FAM234A: variants seen among roughly 807,000 people sequenced by gnomAD.
FAM234A encodes the protein protein FAM234A.
In FAM234A, 42 loss-of-function variants were observed where a neutral mutation model predicts 49.1. The observed-to-expected ratio is 0.86, with a 90% CI of 0.67 to 1.11. The LOEUF (loss-of-function observed/expected upper bound fraction) is 1.11. Ranked by LOEUF, FAM234A falls within the 50% of genes least tolerant of loss-of-function variation. The pLI, the probability that FAM234A is intolerant of heterozygous loss-of-function variation, is 0.00. For synonymous variants in FAM234A, 369 were observed against 316.2 expected, an observed-to-expected ratio of 1.17 and a Z score of -1.77; for missense variants, 815 against 745.2, an observed-to-expected ratio of 1.09 and a Z score of -1.09.
At chr16:246,137 C>A (rs1234139112) in intron 1 of FAM234A, among the ~76,000 whole-genome samples, 1 of 151,156 alleles carries the variant, frequency 6.6e-6, no homozygotes, top group African/African-American at 2.4e-5. Context: ...ATCGCTTGAA[C>A]CCAGGAGGCA....
intron 2 of FAM234A, 188 bp from the exon 3 acceptor site, chr16:254,193 A>G (rs2051134560): frequency 1.7e-6 from 1 of 596,936 alleles, no homozygotes; most frequent in African/African-American, 1.9e-5. Context: ...CTAATTAGAG[A>G]CCTTCTTAAG....
At chr16:244,216 C>T (rs1332509165) in intron 1 of FAM234A, among the ~76,000 whole-genome samples, 5 of 152,140 alleles carry the variant, frequency 3.3e-5, no homozygotes, top group East Asian at 1.9e-4. Flanking sequence ...GATCCACCCG[C>T]CTTGGCCTCC....
intron 4 of FAM234A, 106 bp from the exon 5 acceptor site, chr16:259,863 C>G: frequency 1.9e-6 from 2 of 1,037,314 alleles, no homozygotes; most frequent in Non-Finnish European, 2.9e-6. Context: ...GGGCTGTGGC[C>G]TAGGAGAGGT....
chr16:267,397 C>T (rs12600243), downstream of FAM234A, among the ~76,000 whole-genome samples: 1 of 152,086 alleles, frequency 6.6e-6, no homozygotes, highest in Non-Finnish European at 1.5e-5. Context: ...CTCCACACAC[C>T]TGGGACCTGC....
intron 1 of FAM234A, 25 bp from the exon 2 acceptor site, chr16:249,524 T>G (rs2050923733): frequency 6.6e-6 from 1 of 151,960 alleles, no homozygotes; most frequent in Non-Finnish European, 1.5e-5. Flanking sequence ...GAGCTGCACT[T>G]GACAAGTGGC....
downstream of FAM234A, among the ~76,000 whole-genome samples, chr16:266,389 G>A (rs531945384): frequency 1.4e-4 from 22 of 152,364 alleles, no homozygotes; most frequent in South Asian, 4.3e-3. Context: ...GGAACAGACG[G>A]TGGCCTCGGC....
rs989211110 is a variant in FAM234A, at chr16:245,208, G to A, written c.-139-4341G>A. Among the ~76,000 whole-genome samples the A allele has an allele frequency of 7.2e-5, 11 of 152,074 alleles. 1 individual carries two copies. The highest frequency in any genetic ancestry group is 6.8e-3 in the Middle Eastern group (2 of 294). ...CAAAAAATACAAAAATTTGCCCGGC[G>A]CGGTGATGCACACCTGTGGTCCCAG... is the stretch of plus-strand genomic sequence containing the variant. On this transcript the variant is annotated intron_variant, in intron 1 of 12. Transcript: ENST00000399932.
chr16:264,272 C>T (rs2051605099), intron 11 of FAM234A, 101 bp downstream of exon 11: 2 of 1,237,854 alleles, frequency 1.6e-6, no homozygotes, highest in Admixed American at 5.1e-5. Context: ...GGTGCCTGGG[C>T]AACCTCACAT....
chr16:269,342 C>G, downstream of FAM234A: 3 of 1,603,450 alleles, frequency 1.9e-6, no homozygotes, highest in Non-Finnish European at 2.6e-6. Context: ...GAGTGCAGGG[C>G]TGGGGCTCGA....
At chr16:247,525 C>G (rs9934353) in intron 1 of FAM234A, among the ~76,000 whole-genome samples, 5,470 of 151,774 alleles carry the variant, frequency 0.036, 414 homozygotes, top group African/African-American at 0.13. Flanking sequence ...CTCTGCCTCC[C>G]AGGTTCAAAC....
Position 254,589 on chromosome 16 carries a change from G to T in FAM234A, c.176G>T (p.Cys59Phe). The T allele has an allele frequency of 6.2e-7, 1 of 1,613,858 alleles. No homozygotes were observed. Among genetic ancestry groups the T allele is most frequent in the African/African-American group, 1.3e-5 (1 of 75,026 alleles). The change falls in exon 3 of 13, where the codon TGC (cysteine) becomes TTC (phenylalanine). Residue 59 changes from cysteine (C) to phenylalanine (F), a missense_variant. Physicochemically the swap from Cys to Phe is radical, Grantham distance 205. Transcript: ENST00000399932. ...AAAFFLSLFLCLFVVFVVSFV... is the reference protein window; with the variant it reads ...AAAFFLSLFLFLFVVFVVSFV... Reference sequence around the variant, plus strand: ...GCGTTTTTTCTTTCATTGTTTCTCTGCCTTTTTGTGGTGTTCGTCGTCTCA... The same window carrying T: ...GCGTTTTTTCTTTCATTGTTTCTCTTCCTTTTTGTGGTGTTCGTCGTCTCA...
intron 6 of FAM234A, 114 bp from the exon 7 acceptor site, chr16:261,977 TCC>T: frequency 3.5e-6 from 3 of 866,372 alleles, no homozygotes; most frequent in Non-Finnish European, 4.5e-6. Context: ...GTCCCTCTCT[TCC>T]TGGGCCTTGT....
rs561772756 is a variant in FAM234A, at chr16:264,253, A to G, written c.1344+82A>G. 5 of 1,386,500 alleles carry G rather than the reference A, an allele frequency of 3.6e-6. No individual in the cohort carries two copies. In the Admixed American group the frequency reaches 7.3e-5, roughly 20 times the overall value. The allele number at this position is 1,386,500 out of a possible 1,614,324, so 85.9% of individuals were successfully genotyped here. A position where few individuals can be genotyped will look rare whatever the true frequency, so the allele number is the denominator to read the frequency against. ...TGGAGCTCCACCGTGGAGTGCCCAG[A>G]AGCTCATCGGTGCCTGGGCAACCTC... is the stretch of plus-strand genomic sequence containing the variant. On this transcript the variant is annotated intron_variant, in intron 11 of 12. Coordinates refer to ENST00000399932, the MANE Select transcript of FAM234A (RefSeq NM_032039.4).
At chr16:252,970 G>A (rs138048404) in intron 2 of FAM234A, among the ~76,000 whole-genome samples, 18 of 152,202 alleles carry the variant, frequency 1.2e-4, no homozygotes, top group Admixed American at 3.3e-4. Flanking sequence ...GCATGATCAC[G>A]TCCAGTCTCT....
chr16:267,742 G>A (rs1394332048), downstream of FAM234A, among the ~76,000 whole-genome samples: 8 of 143,966 alleles, frequency 5.6e-5, no homozygotes. Context: ...GTGCCTCAGT[G>A]CTACACATGC....
In FAM234A at chr16:265,190, A is replaced by C; in HGVS notation, c.*168A>C. On this transcript the variant is annotated 3_prime_UTR_variant, in exon 13 of 13. Coordinates refer to ENST00000399932, the MANE Select transcript of FAM234A (RefSeq NM_032039.4). Reference sequence around the variant, plus strand: ...CAGTCCTCCATGATCACACCCAGGGACCTGCATGGGTGAGGGGACACCCTG... The same window carrying C: ...CAGTCCTCCATGATCACACCCAGGGCCCTGCATGGGTGAGGGGACACCCTG... 2 of 1,418,626 alleles carry C rather than the reference A, an allele frequency of 1.4e-6. No homozygotes were observed. The highest frequency in any genetic ancestry group is 1.8e-6 in the Non-Finnish European group (2 of 1,090,172). The allele number at this position is 1,418,626 out of a possible 1,614,324, so 87.9% of individuals were successfully genotyped here.
At chr16:241,893 G>A (rs1240745219) in intron 1 of FAM234A, among the ~76,000 whole-genome samples, 1 of 141,030 alleles carries the variant, frequency 7.1e-6, no homozygotes, top group African/African-American at 2.7e-5. Flanking sequence ...GCGACAGAGC[G>A]AGACAACGTC....
rs538445378 is a variant in FAM234A at position 255,229 on chromosome 16, ATCC to A, written c.268+555_268+557del. On this transcript the variant is annotated intron_variant, in intron 3 of 12. Coordinates refer to ENST00000399932, the MANE Select transcript of FAM234A (RefSeq NM_032039.4). ...GCTCTTGAACTCCTGATTTTAAGTC[ATCC>A]TCCTCCCTCGGCCTCCCAACGTGCT... Among the ~76,000 whole-genome samples the A allele has an allele frequency of 6.5e-4, 99 of 152,160 alleles. 1 individual carries two copies. Among genetic ancestry groups the A allele is most frequent in the Non-Finnish European group, 1.1e-3 (77 of 68,026 alleles).
intron 5 of FAM234A, among the ~76,000 whole-genome samples, chr16:261,002 C>T (rs539978551): frequency 4.6e-5 from 7 of 152,124 alleles, no homozygotes; most frequent in African/African-American, 1.2e-4. Flanking sequence ...GCAGGGGCTT[C>T]GAGAGGTGGG....
Sources: gnomAD v4.1 joint callset for allele counts (sites outside exome capture counted in the v4.1 genomes callset) on GRCh38, gnomAD v4.1.1 for gene constraint, MANE v1.5 for transcripts, NCBI Gene and HGNC (gene_info 2026-07-23, HGNC 2026-07-21) for gene names.